Variants in UBN1 observed in about 807,000 individuals in gnomAD.
UBN1 encodes the protein ubinuclein 1, also known as ubinuclein-1.
UBN1 carries 17 observed loss-of-function variants against 108.5 expected under a neutral mutation model. The observed-to-expected ratio is 0.16, with a 90% CI of 0.11 to 0.24. The LOEUF (loss-of-function observed/expected upper bound fraction) is 0.24, where lower values mean the gene tolerates loss of function less well. Ranked by LOEUF, UBN1 falls within the 10% of genes least tolerant of loss-of-function variation. UBN1 has a pLI of 1.00. For synonymous variants in UBN1, 726 were observed against 564.2 expected, an observed-to-expected ratio of 1.29 and a Z score of -4.07; for missense variants, 1,595 against 1,394.4, an observed-to-expected ratio of 1.14 and a Z score of -2.29.
intron 1 of UBN1, among the ~76,000 whole-genome samples, chr16:4,850,011 G>C (rs1214659032): frequency 6.7e-6 from 1 of 149,304 alleles, no homozygotes; most frequent in Non-Finnish European, 1.5e-5. Context: ...GGCAACTCTC[G>C]TAAGTCTAAT....
chr16:4,849,949 C>CAAAAAAAAAA (rs751842571), intron 1 of UBN1, among the ~76,000 whole-genome samples: 9,574 of 70,648 alleles, frequency 0.14, 654 homozygotes, highest in Middle Eastern at 0.22. Flanking sequence ...AACTGTCTCA[C>CAAAAAAAAAA]AAAAAAAAAA....
At chr16:4,871,425 T>C in intron 12 of UBN1, 124 bp downstream of exon 12, 1 of 1,340,870 alleles carries the variant, frequency 7.5e-7, no homozygotes, top group Non-Finnish European at 9.9e-7. Flanking sequence ...AACTCTGATC[T>C]CACCTGAGTA....
intron 15 of UBN1, among the ~76,000 whole-genome samples, chr16:4,876,185 C>G (rs544763394): frequency 1.9e-4 from 29 of 152,216 alleles, no homozygotes; most frequent in African/African-American, 6.3e-4. Context: ...GTCTCGATCT[C>G]CTGACCTCGT....
chr16:4,865,343 G>T (rs1163884024), intron 7 of UBN1, among the ~76,000 whole-genome samples: 1 of 152,134 alleles, frequency 6.6e-6, no homozygotes, highest in Non-Finnish European at 1.5e-5. Flanking sequence ...ATTGCGTAAA[G>T]ATTACATAGA....
intron 7 of UBN1, among the ~76,000 whole-genome samples, chr16:4,867,351 T>G (rs2087384824): frequency 6.6e-6 from 1 of 152,186 alleles, no homozygotes; most frequent in Non-Finnish European, 1.5e-5. Context: ...GCAGATGTTT[T>G]CTAACCAAAT....
Position 4,877,645 on chromosome 16 carries a change from A to C in UBN1, c.3355+171A>C. 1.5e-6 allele frequency: 2 copies of C among 1,304,526 alleles called. No individual in the cohort carries two copies. Among genetic ancestry groups the C allele is most frequent in the Non-Finnish European group, 1.9e-6 (2 of 1,027,700 alleles). The allele number at this position is 1,304,526 out of a possible 1,614,324, so 80.8% of individuals were successfully genotyped here. On this transcript the variant is annotated intron_variant, in intron 17 of 17. Coordinates refer to ENST00000262376, the MANE Select transcript of UBN1 (RefSeq NM_001079514.3). This position sits in a 1 kb window ranked among gnomAD's most constrained non-coding sequence, Gnocchi z 4.3. ...AGTACTCAGGGTGACACGCACTTCTACTCTTGGGGTTTCCTCTGGTCCCCA... is the reference window on the plus strand; with the variant it reads ...AGTACTCAGGGTGACACGCACTTCTCCTCTTGGGGTTTCCTCTGGTCCCCA...
At chr16:4,876,246 C>G (rs1236812834) in intron 15 of UBN1, among the ~76,000 whole-genome samples, 1 of 152,202 alleles carries the variant, frequency 6.6e-6, no homozygotes, top group African/African-American at 2.4e-5. Flanking sequence ...GTGTGAGCCA[C>G]TGCACCCGGC....
chr16:4,866,928 G>C (rs895622688), intron 7 of UBN1, among the ~76,000 whole-genome samples: 3 of 152,248 alleles, frequency 2.0e-5, no homozygotes, highest in African/African-American at 4.8e-5. Context: ...TGGACGGCCA[G>C]ATAGCCGGAC....
At chr16:4,855,823 G>A (rs1265132799) in intron 2 of UBN1, among the ~76,000 whole-genome samples, 1 of 152,158 alleles carries the variant, frequency 6.6e-6, no homozygotes, top group East Asian at 1.9e-4. Context: ...GTAGGCTGAG[G>A]CAGGATAATT....
chr16:4,868,731 A>G lies in UBN1; in HGVS notation c.1111-102A>G. ...GAAAGGTGGCGGTGTGACTGTATTGACAGGTGCTCTTTATGGAGCGATGAC... is the reference window on the plus strand; with the variant it reads ...GAAAGGTGGCGGTGTGACTGTATTGGCAGGTGCTCTTTATGGAGCGATGAC... On this transcript the variant is annotated intron_variant, in intron 7 of 17. Transcript: ENST00000262376. The G allele has an allele frequency of 4.5e-6, 5 of 1,119,130 alleles. No homozygotes were observed. The East Asian group carries it at 1.2e-4, about 28-fold the overall frequency. 69.3% of individuals were successfully genotyped at this position (1,119,130 alleles called of 1,614,324 possible).
rs558963365 is a variant in UBN1 at position 4,869,046 on chromosome 16, G to C, written c.1181+143G>C. On this transcript the variant is annotated intron_variant, in intron 8 of 17. Transcript: ENST00000262376. The stretch of plus-strand genomic sequence containing the variant: ...GATAAAAGAAGAATTGGATTAACAT[G>C]GTTTCATTGTTATTTTTCTTTTAAA... 1.2e-4 allele frequency: 94 copies of C among 770,354 alleles called. 1 individual carries two copies. In the South Asian group the frequency reaches 2.0e-3, roughly 17 times the overall value. The allele number at this position is 770,354 out of a possible 1,614,324, so 47.7% of individuals were successfully genotyped here.
chr16:4,854,749 G>A (rs1406779405), intron 2 of UBN1, among the ~76,000 whole-genome samples: 1 of 150,652 alleles, frequency 6.6e-6, no homozygotes, highest in Non-Finnish European at 1.5e-5. Context: ...TTGAGACAGA[G>A]TCTCGCTCTG....
At chr16:4,849,055 A>T (rs1456422013) in intron 1 of UBN1, among the ~76,000 whole-genome samples, 1 of 152,212 alleles carries the variant, frequency 6.6e-6, no homozygotes, top group African/African-American at 2.4e-5. Context: ...AGCCGAGATT[A>T]TGTCACTGCA....
In UBN1 at chr16:4,859,873, G is replaced by A. The variant is rs1271858195; in HGVS notation, c.576G>A (p.Lys192=). The change falls in exon 6 of 18, where the codon AAG becomes AAA. Residue 192 remains lysine (K), a synonymous_variant. Transcript: ENST00000262376. ...EKKKKSPKKR[K]LKEGGEKIKK... ...TTGTCTTTAATTCTCAGAAGCGGAA[G>A]TTGAAGGAAGGTGGTGAGAAGATAA... 3 of 1,613,958 alleles carry A rather than the reference G, an allele frequency of 1.9e-6. No individual in the cohort carries two copies. Among genetic ancestry groups the A allele is most frequent in the Non-Finnish European group, 1.7e-6 (2 of 1,179,982 alleles).
intron 7 of UBN1, among the ~76,000 whole-genome samples, chr16:4,862,981 A>G (rs1447175088): frequency 6.6e-6 from 1 of 152,224 alleles, no homozygotes; most frequent in Non-Finnish European, 1.5e-5. Flanking sequence ...GTTGGAAAAT[A>G]CAGTATTCAA....
rs1567969358 is a variant in UBN1 at position 4,880,180 on chromosome 16, CGTGCAG to C, written c.*51_*56del. ...CACTTGGGTCTGGGTGGAATCAGAA[CGTGCAG>C]GTCTCCCAGGATGTACACTCACTGC... On this transcript the variant is annotated 3_prime_UTR_variant, in exon 18 of 18. Transcript: ENST00000262376. 2 of 1,593,850 alleles carry C rather than the reference CGTGCAG, an allele frequency of 1.3e-6. No homozygotes were observed. The highest frequency in any genetic ancestry group is 2.7e-5 in the African/African-American group (2 of 74,414).
At position 4,881,456 on chromosome 16, in the gene UBN1, C is replaced by G. The variant is rs1452904651; in HGVS notation, c.*1324C>G. 1 of 152,202 alleles carries G rather than the reference C, an allele frequency of 6.6e-6. No individual in the cohort carries two copies. Among genetic ancestry groups the G allele is most frequent in the Admixed American group, 6.5e-5 (1 of 15,274 alleles). The allele number at this position is 152,202 out of a possible 1,614,324, so 9.4% of individuals were successfully genotyped here. On this transcript the variant is annotated 3_prime_UTR_variant, in exon 18 of 18. Coordinates refer to ENST00000262376, the MANE Select transcript of UBN1 (RefSeq NM_001079514.3). ...TGCCTGTCTTGTGAGGTCTGTGCCA[C>G]AAGGTGAGTCTGAACTGACTGCTCC...
chr16:4,877,034 C>A lies in UBN1; in HGVS notation c.3188C>A (p.Ser1063Tyr). 6.2e-7 allele frequency: 1 copy of A among 1,614,236 alleles called. No homozygotes were observed. Among genetic ancestry groups the A allele is most frequent in the Non-Finnish European group, 8.5e-7 (1 of 1,180,052 alleles). Residue 1063 changes from serine to tyrosine, a missense_variant, in exon 16 of 18, where the codon TCT becomes TAT. By Grantham distance (144) the Ser-to-Tyr change is moderately radical (BLOSUM62 -2). Coordinates refer to ENST00000262376, the MANE Select transcript of UBN1 (RefSeq NM_001079514.3). The surrounding 1 kb of genome is among the most constrained non-coding windows in gnomAD (Gnocchi z 4.3). ...VHVLSFSADS[S>Y]AKAGVSKDAI... ...GTGCTCTCCTTCAGCGCTGACTCCT[C>A]TGCCAAAGCAGGGGTCTCCAAGGAT...
At chr16:4,870,374 T>TG (rs1333629947) in intron 9 of UBN1, 33 bp downstream of exon 9, 1 of 1,612,898 alleles carries the variant, frequency 6.2e-7, no homozygotes, top group Admixed American at 1.7e-5. Flanking sequence ...CCTTTGGCTT[T>TG]GGGGTCCTGG....
Sources: allele counts gnomAD v4.1 joint callset (sites outside exome capture counted in the v4.1 genomes callset), GRCh38; gene constraint gnomAD v4.1.1; non-coding constraint Gnocchi (gnomAD v3.1); transcripts MANE v1.5; gene names NCBI Gene and HGNC (gene_info 2026-07-23, HGNC 2026-07-21).